The following CDH13 variants were observed in gnomAD, a reference collection of about 807,000 sequenced individuals.
The protein encoded by CDH13 is cadherin 13.
CDH13 carries 24 observed loss-of-function variants against 63.8 expected under a neutral mutation model. The observed-to-expected ratio is 0.38, with a 90% CI of 0.27 to 0.53. CDH13 has a LOEUF of 0.53. Among genes scored for constraint, CDH13 ranks in the 20% least tolerant of loss-of-function variants. The pLI is 0.85. For synonymous variants in CDH13, 503 were observed against 355.3 expected, an observed-to-expected ratio of 1.42 and a Z score of -4.67; for missense variants, 1,049 against 903.1, an observed-to-expected ratio of 1.16 and a Z score of -2.07.
At chr16:83,571,497 C>G (rs1267944580) in intron 7 of CDH13, among the ~76,000 whole-genome samples, 1 of 152,096 alleles carries the variant, frequency 6.6e-6, no homozygotes, top group Non-Finnish European at 1.5e-5. Flanking sequence ...TAAGTTTAAG[C>G]AAATTTGAAA....
chr16:82,746,149 C>G (rs1206095553), intron 1 of CDH13, among the ~76,000 whole-genome samples: 1 of 145,490 alleles, frequency 6.9e-6, no homozygotes, highest in African/African-American at 2.5e-5. Flanking sequence ...ATCAAACATA[C>G]TATATACTAT....
chr16:83,619,471 T>G (rs1364010423), intron 8 of CDH13, among the ~76,000 whole-genome samples: 2 of 152,200 alleles, frequency 1.3e-5, no homozygotes, highest in African/African-American at 2.4e-5. Flanking sequence ...CAACAGATGT[T>G]TATTACCTCA....
intron 7 of CDH13, among the ~76,000 whole-genome samples, chr16:83,491,861 GC>G (rs2151571642): frequency 6.6e-6 from 1 of 152,150 alleles, no homozygotes; most frequent in East Asian, 1.9e-4. Context: ...ACTTTATAAT[GC>G]CCAAATTTTT....
chr16:83,331,493 C>T (rs1189740049), intron 5 of CDH13, among the ~76,000 whole-genome samples: 3 of 152,114 alleles, frequency 2.0e-5, no homozygotes, highest in East Asian at 3.9e-4. Flanking sequence ...CCATAGCTCC[C>T]CATTTGTAAT....
intron 6 of CDH13, among the ~76,000 whole-genome samples, chr16:83,345,811 T>A (rs2090827358): frequency 6.6e-6 from 1 of 152,178 alleles, no homozygotes. Context: ...AAACACCATA[T>A]TAAGAGTATC....
intron 9 of CDH13, among the ~76,000 whole-genome samples, chr16:83,673,314 A>G (rs1237457255): frequency 1.3e-5 from 2 of 152,204 alleles, no homozygotes; most frequent in African/African-American, 4.8e-5. Flanking sequence ...GCCAACATGG[A>G]TATCCCCTAC....
At chr16:82,975,825 G>A (rs561906645) in intron 2 of CDH13, among the ~76,000 whole-genome samples, 4 of 152,046 alleles carry the variant, frequency 2.6e-5, no homozygotes, top group South Asian at 2.1e-4. Context: ...CATTGCCCTT[G>A]TCTATACCCC....
At chr16:83,669,989 A>G (rs187522694) in intron 8 of CDH13, among the ~76,000 whole-genome samples, 56 of 152,336 alleles carry the variant, frequency 3.7e-4, no homozygotes, top group African/African-American at 1.3e-3. Context: ...TCTATGAGAA[A>G]GTTGATTTTT....
At chr16:83,408,163 C>T (rs1454113815) in intron 6 of CDH13, among the ~76,000 whole-genome samples, 1 of 152,132 alleles carries the variant, frequency 6.6e-6, no homozygotes, top group African/African-American at 2.4e-5. Context: ...ATCTTGTGAC[C>T]CGTGTGACTA....
intron 2 of CDH13, among the ~76,000 whole-genome samples, chr16:82,888,843 T>C (rs1026797782): frequency 3.3e-5 from 5 of 152,234 alleles, no homozygotes; most frequent in Admixed American, 6.5e-5. Context: ...AATTGTTTTC[T>C]ATAGTCTGTC....
intron 2 of CDH13, among the ~76,000 whole-genome samples, chr16:82,989,943 A>ATT (rs76488923): frequency 6.7e-6 from 1 of 148,150 alleles, no homozygotes; most frequent in Admixed American, 6.7e-5. Flanking sequence ...CATCAGTCCC[A>ATT]TTTTTTTTTT....
In CDH13 at chr16:83,442,534, G is replaced by A. The variant is rs1474601240; in HGVS notation, c.782-43943G>A. On this transcript the variant is annotated intron_variant, in intron 6 of 13. Transcript: ENST00000567109. ...ATGAGAGAGATCCAGCTTTGACCTG[G>A]AAAACTTTCACATTGCAAGTTTTTT... Among the ~76,000 whole-genome samples, 6 of 134,272 alleles carry A rather than the reference G, an allele frequency of 4.5e-5. No homozygotes were observed. In the East Asian group the frequency reaches 1.3e-3, roughly 30 times the overall value. 88.1% of individuals were successfully genotyped at this position (134,272 alleles called of 152,430 possible). A position where few individuals can be genotyped will look rare whatever the true frequency, so the allele number is the denominator to read the frequency against.
rs1196637422 is a variant in CDH13, at chr16:83,230,065, A to G, written c.636+12568A>G. 3.3e-5 allele frequency among the ~76,000 whole-genome samples: 5 copies of G among 152,202 alleles called. No homozygotes were observed. The South Asian group carries it at 6.2e-4, about 19-fold the overall frequency. ...TTAATAGTTGGGGAATCCACATTTA[A>G]AAGGGGTAGACCCACAGCAGAGGTC... On this transcript the variant is annotated intron_variant, in intron 5 of 13. Coordinates refer to ENST00000567109, the MANE Select transcript of CDH13 (RefSeq NM_001257.5).
At chr16:83,061,345 A>AT (rs142045714) in intron 3 of CDH13, among the ~76,000 whole-genome samples, 3,737 of 152,268 alleles carry the variant, frequency 0.025, 152 homozygotes, top group African/African-American at 0.083. Context: ...GGATGAGTGG[A>AT]TTTTTTGTGT....
At chr16:83,401,365 A>G (rs1270215304) in intron 6 of CDH13, among the ~76,000 whole-genome samples, 3 of 151,292 alleles carry the variant, frequency 2.0e-5, no homozygotes, top group Non-Finnish European at 4.4e-5. Context: ...AAAAGATTAT[A>G]TAAAAAATTA....
Position 82,689,555 on chromosome 16 carries a change from G to A in CDH13, c.45+62418G>A, listed in dbSNP as rs115785629. On this transcript the variant is annotated intron_variant, in intron 1 of 13. Transcript: ENST00000567109. ...CTCGAGGATGACAGGAGTGACTTCC[G>A]TCACTGCCATATTTCTTCTACACTT... Among the ~76,000 whole-genome samples the A allele has an allele frequency of 2.6e-3, 391 of 152,204 alleles. 2 individuals carry two copies. The highest frequency in any genetic ancestry group is 8.9e-3 in the African/African-American group (369 of 41,536).
At chr16:82,771,392 C>G (rs35339185) in intron 1 of CDH13, among the ~76,000 whole-genome samples, 11,548 of 152,144 alleles carry the variant, frequency 0.076, 572 homozygotes, top group South Asian at 0.13. Context: ...AAATTGGTAC[C>G]ATTGGACCCA....
chr16:83,335,406 A>G (rs1338897244), intron 5 of CDH13, among the ~76,000 whole-genome samples: 1 of 151,802 alleles, frequency 6.6e-6, no homozygotes, highest in East Asian at 1.9e-4. Context: ...ACACACACAC[A>G]CAGTTCCTTT....
chr16:82,787,604 A>G (rs894372733), intron 1 of CDH13, among the ~76,000 whole-genome samples: 2 of 152,232 alleles, frequency 1.3e-5, no homozygotes, highest in African/African-American at 4.8e-5. Flanking sequence ...CTTCAGAATT[A>G]GCCTATGAAG....
Sources: allele counts gnomAD v4.1 joint callset (sites outside exome capture counted in the v4.1 genomes callset), GRCh38; gene constraint gnomAD v4.1.1; transcripts MANE v1.5; gene names NCBI Gene and HGNC (gene_info 2026-07-23, HGNC 2026-07-21).